Variants in LGALS3 observed in about 807,000 individuals in gnomAD.
The protein encoded by LGALS3 is galectin 3.
LGALS3 carries 18 observed loss-of-function variants against 20.7 expected under a neutral mutation model. That is an observed-to-expected ratio of 0.87 (90% CI 0.60 to 1.29). The LOEUF (loss-of-function observed/expected upper bound fraction) is 1.29, where lower values mean the gene tolerates loss of function less well. LGALS3 is among the 50% of genes most tolerant of loss of function. The pLI is 0.00. For missense variants in LGALS3, 315 were observed against 314.7 expected (o/e 1.00, Z -0.01); for synonymous variants, 112 against 119.6 (o/e 0.94, Z 0.42).
chr14:55,132,380 T>C (rs1434596710), intron 1 of LGALS3, among the ~76,000 whole-genome samples: 2 of 152,032 alleles, frequency 1.3e-5, no homozygotes, highest in Admixed American at 6.6e-5. Flanking sequence ...ATATCTATAG[T>C]GTCTGTAGAG....
In LGALS3 at chr14:55,136,703, A is replaced by C. The variant is rs1452065117; in HGVS notation, c.-4-667A>C. Among the ~76,000 whole-genome samples the C allele has an allele frequency of 3.3e-5, 5 of 152,336 alleles. No homozygotes were observed. The East Asian group carries it at 9.6e-4, about 29-fold the overall frequency. ...TTTAGTTATTTTCAAACGTACAATG[A>C]AATTATTGACTATAGTCACCCTGCT... is the stretch of plus-strand genomic sequence containing the variant. On this transcript the variant is annotated intron_variant, in intron 1 of 5. Coordinates refer to ENST00000254301, the MANE Select transcript of LGALS3 (RefSeq NM_002306.4).
chr14:55,143,176 C>G (rs1363099625), intron 5 of LGALS3, among the ~76,000 whole-genome samples: 1 of 152,120 alleles, frequency 6.6e-6, no homozygotes, highest in Non-Finnish European at 1.5e-5. Context: ...AGTTTCCTAT[C>G]TTTTACTCCT....
intron 1 of LGALS3, among the ~76,000 whole-genome samples, chr14:55,130,094 A>C (rs1409683943): frequency 6.6e-6 from 1 of 152,234 alleles, no homozygotes; most frequent in Non-Finnish European, 1.5e-5. Flanking sequence ...CTCCCTGCCC[A>C]GACTGTCTGT....
At chr14:55,143,426 CTTTTT>C in intron 5 of LGALS3, 1 of 328,368 alleles carries the variant, frequency 3.0e-6, no homozygotes, top group South Asian at 2.3e-5. Context: ...CTTAATAGCA[CTTTTT>C]TTTTTTTTCG....
In LGALS3 at chr14:55,129,706, T is replaced by C. The variant is rs1881170246; in HGVS notation, c.-5+406T>C. Among the ~76,000 whole-genome samples, 2 of 152,256 alleles carry C rather than the reference T, an allele frequency of 1.3e-5. No homozygotes were observed. The highest frequency in any genetic ancestry group is 1.3e-4 in the Admixed American group (2 of 15,310). Reference sequence around the variant, plus strand: ...TCACCCCAGTCCCACCAGGTCCCGCTGCGAGGGGAGGCGGAGGGGCTCGCT... The same window carrying C: ...TCACCCCAGTCCCACCAGGTCCCGCCGCGAGGGGAGGCGGAGGGGCTCGCT... On this transcript the variant is annotated intron_variant, in intron 1 of 5. Coordinates refer to ENST00000254301, the MANE Select transcript of LGALS3 (RefSeq NM_002306.4). The surrounding 1 kb of genome is among the most constrained non-coding windows in gnomAD (Gnocchi z 5.3).
At chr14:55,133,564 A>C (rs1047556) in intron 1 of LGALS3, among the ~76,000 whole-genome samples, 2 of 151,994 alleles carry the variant, frequency 1.3e-5, no homozygotes, top group African/African-American at 4.8e-5. Context: ...ACCACAAAGA[A>C]TGTCATTATA....
intron 1 of LGALS3, 155 bp from the exon 2 acceptor site, chr14:55,137,215 C>A: frequency 2.6e-6 from 2 of 771,972 alleles, no homozygotes; most frequent in Non-Finnish European, 4.6e-6. Context: ...AGCATCCCTG[C>A]CCCTTGAAGA....
chr14:55,131,754 C>T (rs1375512147), intron 1 of LGALS3, among the ~76,000 whole-genome samples: 7 of 152,096 alleles, frequency 4.6e-5, no homozygotes, highest in African/African-American at 7.2e-5. Flanking sequence ...TCAGCTTTTC[C>T]GTAGGGGGGA....
chr14:55,142,424 T>C (rs549643072), intron 4 of LGALS3, among the ~76,000 whole-genome samples, 160 bp from the exon 5 acceptor site: 1 of 152,354 alleles, frequency 6.6e-6, no homozygotes, highest in African/African-American at 2.4e-5. Context: ...TAGGATATTT[T>C]CCAGTTTGAA....
chr14:55,136,916 C>T (rs554341689), intron 1 of LGALS3, among the ~76,000 whole-genome samples: 4 of 151,128 alleles, frequency 2.6e-5, no homozygotes, highest in African/African-American at 9.7e-5. Context: ...CCATGCAGAT[C>T]ATGGCCTATT....
chr14:55,139,908 C>T (rs2140294618), intron 3 of LGALS3, among the ~76,000 whole-genome samples: 1 of 152,226 alleles, frequency 6.6e-6, no homozygotes, highest in Non-Finnish European at 1.5e-5. Context: ...GCTGCTTGCC[C>T]CCAGGAAGCA....
chr14:55,143,426 CTT>C (rs759161757), intron 5 of LGALS3: 1,031 of 323,784 alleles, frequency 3.2e-3, no homozygotes, highest in Middle Eastern at 4.5e-3. Context: ...CTTAATAGCA[CTT>C]TTTTTTTTTT....
intron 4 of LGALS3, among the ~76,000 whole-genome samples, chr14:55,142,315 G>A (rs531411301): frequency 2.6e-5 from 4 of 152,282 alleles, no homozygotes; most frequent in African/African-American, 9.6e-5. Flanking sequence ...GGGCATTACA[G>A]ATGAATGGAA....
chr14:55,145,373 C>A lies in LGALS3; in HGVS notation c.*102C>A, dbSNP rs995684429. The A allele has an allele frequency of 1.3e-6, 2 of 1,557,422 alleles. No homozygotes were observed. The highest frequency in any genetic ancestry group is 2.7e-5 in the African/African-American group (2 of 73,964). ...AAAATTTTTACATTCATCAATATCC[C>A]TCTTGTAAGTCATCTACTTAATAAA... On this transcript the variant is annotated 3_prime_UTR_variant, in exon 6 of 6. Coordinates refer to ENST00000254301, the MANE Select transcript of LGALS3 (RefSeq NM_002306.4).
chr14:55,134,652 CCT>C (rs1881328124), intron 1 of LGALS3, among the ~76,000 whole-genome samples: 1 of 152,146 alleles, frequency 6.6e-6, no homozygotes, highest in Non-Finnish European at 1.5e-5. Context: ...AGTGTGGCAG[CCT>C]TTTGGGGAAG....
chr14:55,133,594 G>A (rs1342719905), intron 1 of LGALS3, among the ~76,000 whole-genome samples: 2 of 152,138 alleles, frequency 1.3e-5, no homozygotes, highest in African/African-American at 4.8e-5. Flanking sequence ...GATAAGGTAT[G>A]TGAACATGCT....
At chr14:55,144,282 A>G (rs975158858) in intron 5 of LGALS3, among the ~76,000 whole-genome samples, 9 of 152,148 alleles carry the variant, frequency 5.9e-5, no homozygotes, top group Admixed American at 2.6e-4. Flanking sequence ...AGCGGAGACC[A>G]CAGATGTATG....
intron 1 of LGALS3, among the ~76,000 whole-genome samples, chr14:55,130,750 TGGTG>T (rs1325242300): frequency 0.021 from 981 of 46,080 alleles, 11 homozygotes; most frequent in Admixed American, 0.034. Context: ...GTGGTGGTGG[TGGTG>T]GGGGGGGGGG....
chr14:55,137,613 C>G, intron 2 of LGALS3: 17 of 1,448,650 alleles, frequency 1.2e-5, no homozygotes, highest in Non-Finnish European at 1.5e-5. Context: ...TCACAGTAAC[C>G]CTTTCACCAA....
Sources: gnomAD v4.1 joint callset for allele counts (sites outside exome capture counted in the v4.1 genomes callset) on GRCh38, gnomAD v4.1.1 for gene constraint, Gnocchi (gnomAD v3.1) non-coding constraint, MANE v1.5 for transcripts, NCBI Gene and HGNC (gene_info 2026-07-23, HGNC 2026-07-21) for gene names.